The following PCDH11X variants were observed in gnomAD, a reference collection of about 807,000 sequenced individuals.
The protein encoded by PCDH11X is protocadherin 11 X-linked.
Under a neutral mutation model 53.3 loss-of-function variants are expected in PCDH11X, and 18 were observed. The observed-to-expected ratio is 0.34, with a 90% CI of 0.23 to 0.50. The LOEUF is 0.50. PCDH11X is among the 20% of genes least tolerant of loss of function. The pLI is 0.98. For synonymous variants in PCDH11X, 279 were observed against 393.3 expected (o/e 0.71, Z 3.44); for missense variants, 570 against 1,032.4 (o/e 0.55, Z 6.14).
intron 8 of PCDH11X, among the ~76,000 whole-genome samples, chrX:92,350,040 G>A (rs764425499): frequency 9.0e-6 from 1 of 110,770 alleles, no homozygotes; most frequent in South Asian, 3.9e-4. Flanking sequence ...TAGCGATACT[G>A]GCCTGCTTGC....
chrX:92,096,650 C>T (rs1158676475), intron 6 of PCDH11X, among the ~76,000 whole-genome samples: 2 of 110,483 alleles, frequency 1.8e-5, no homozygotes, highest in Non-Finnish European at 3.8e-5. Flanking sequence ...GAGAAAGGCA[C>T]GTCTTACAAG....
chrX:92,259,986 C>T (rs1336993147), intron 7 of PCDH11X, among the ~76,000 whole-genome samples: 6 of 111,306 alleles, frequency 5.4e-5, no homozygotes, highest in East Asian at 2.9e-4. Flanking sequence ...CAAAGTCCTC[C>T]GCATTCTTCC....
chrX:92,253,550 A>G (rs1259371468), intron 7 of PCDH11X, among the ~76,000 whole-genome samples: 3 of 111,551 alleles, frequency 2.7e-5, no homozygotes, highest in African/African-American at 9.8e-5. Flanking sequence ...TTTTAACAAT[A>G]TTGTTTTTTC....
chrX:92,243,279 G>T (rs1007087498), intron 7 of PCDH11X, among the ~76,000 whole-genome samples: 85 of 111,576 alleles, frequency 7.6e-4, no homozygotes, highest in African/African-American at 2.7e-3. Flanking sequence ...ATTAATTTTT[G>T]TGTAAAGTAT....
At chrX:92,336,545 C>T (rs2069622861) in intron 8 of PCDH11X, among the ~76,000 whole-genome samples, 1 of 111,645 alleles carries the variant, frequency 9.0e-6, no homozygotes, top group Non-Finnish European at 1.9e-5. Flanking sequence ...AAAACTTTTT[C>T]ATTAAATTCA....
intron 7 of PCDH11X, among the ~76,000 whole-genome samples, chrX:92,236,705 T>C (rs868153794): frequency 8.0e-5 from 9 of 111,991 alleles, no homozygotes; most frequent in Middle Eastern, 9.2e-3. Flanking sequence ...TCTTATGCAT[T>C]ATGTTACTAT....
intron 6 of PCDH11X, among the ~76,000 whole-genome samples, chrX:91,990,070 A>G (rs4893162): frequency 0.31 from 33,670 of 109,361 alleles, 4,038 homozygotes; most frequent in African/African-American, 0.42. Context: ...CCTCTCCAGA[A>G]TGGTCCTCTC....
intron 6 of PCDH11X, among the ~76,000 whole-genome samples, chrX:91,944,780 T>A (rs1345307132): frequency 9.2e-6 from 1 of 108,777 alleles, no homozygotes; most frequent in Non-Finnish European, 1.9e-5. Context: ...AGCATCGTAT[T>A]TTCATTAGTT....
At chrX:92,589,894 G>T (rs369625525) in intron 10 of PCDH11X, among the ~76,000 whole-genome samples, 1 of 111,754 alleles carries the variant, frequency 8.9e-6, no homozygotes, top group African/African-American at 3.3e-5. Flanking sequence ...GAGAGGAGCC[G>T]AGTCCTGCTG....
At chrX:91,971,335 A>C (rs1346418077) in intron 6 of PCDH11X, among the ~76,000 whole-genome samples, 1 of 108,915 alleles carries the variant, frequency 9.2e-6, no homozygotes, top group Admixed American at 9.9e-5. Flanking sequence ...GTTTTAGCAA[A>C]GTTGAAAAGG....
chrX:91,988,705 T>C (rs1298517420), intron 6 of PCDH11X, among the ~76,000 whole-genome samples: 1 of 112,627 alleles, frequency 8.9e-6, no homozygotes, highest in African/African-American at 3.2e-5. Context: ...TTGATCAGTC[T>C]GCTATGGCCA....
At position 91,906,697 on chromosome X, in the gene PCDH11X, G is replaced by A. The variant is rs543355042; in HGVS notation, c.3033+27424G>A. Among the ~76,000 whole-genome samples, 160 of 111,722 alleles carry A rather than the reference G, an allele frequency of 1.4e-3. 3 individuals carry two copies. The South Asian group carries it at 0.06, about 42-fold the overall frequency. On this transcript the variant is annotated intron_variant, in intron 6 of 10. Coordinates refer to ENST00000682573, the MANE Select transcript of PCDH11X (RefSeq NM_032968.5). ...CTTATACTCACTAGACTGAGCATTT[G>A]AAAGGCAAACACAACGCCTTTATTA...
intron 6 of PCDH11X, among the ~76,000 whole-genome samples, chrX:92,084,045 T>G (rs965348404): frequency 2.8e-5 from 3 of 108,637 alleles, no homozygotes; most frequent in Non-Finnish European, 5.7e-5. Flanking sequence ...GAGCAGAGAT[T>G]GCACCACTGC....
chrX:91,879,663 A>C, intron 6 of PCDH11X: 1 of 814,082 alleles, frequency 1.2e-6, no homozygotes, highest in Non-Finnish European at 1.5e-6. Context: ...GAATCTGATA[A>C]ATAGCTCTAA....
intron 7 of PCDH11X, among the ~76,000 whole-genome samples, chrX:92,251,322 G>T (rs2148398304): frequency 9.0e-6 from 1 of 110,652 alleles, no homozygotes; most frequent in African/African-American, 3.3e-5. Context: ...AAGAATAAAG[G>T]AGTATAGCTT....
intron 6 of PCDH11X, among the ~76,000 whole-genome samples, chrX:92,062,641 A>G (rs573325496): frequency 2.7e-5 from 3 of 112,076 alleles, no homozygotes; most frequent in Non-Finnish European, 3.8e-5. Context: ...CAAAACCACA[A>G]TGAGATACCA....
intron 6 of PCDH11X, among the ~76,000 whole-genome samples, chrX:92,001,279 G>A (rs2062504373): frequency 1.8e-5 from 2 of 110,599 alleles, no homozygotes; most frequent in Admixed American, 9.7e-5. Flanking sequence ...TTTTAACTGG[G>A]GTGAGATGAT....
intron 5 of PCDH11X, among the ~76,000 whole-genome samples, chrX:91,854,509 G>A (rs1010193244): frequency 6.2e-5 from 7 of 112,263 alleles, no homozygotes; most frequent in East Asian, 2.8e-4. Context: ...TCTTTTGTGC[G>A]TATACCCAGC....
rs753416351 is a variant in PCDH11X at position 92,437,851 on chromosome X, G to A, written c.3344-30448G>A. 3.7e-3 allele frequency among the ~76,000 whole-genome samples: 404 copies of A among 110,103 alleles called. 3 individuals are homozygous for A. The highest frequency in any genetic ancestry group is 0.013 in the African/African-American group (386 of 30,255). ...TTAAGCCCTAATATGACTAAACCTT[G>A]CAGAGAAAATAATGAAAAAGATTTA... On this transcript the variant is annotated intron_variant, in intron 9 of 10. Transcript: ENST00000682573.
Sources: gnomAD v4.1 joint callset for allele counts (sites outside exome capture counted in the v4.1 genomes callset) on GRCh38, gnomAD v4.1.1 for gene constraint, MANE v1.5 for transcripts, NCBI Gene and HGNC (gene_info 2026-07-23, HGNC 2026-07-21) for gene names.